The following DLC1 variants were observed in gnomAD, a reference collection of about 807,000 sequenced individuals.
DLC1 encodes the protein rho GTPase-activating protein 7.
In DLC1, 54 loss-of-function variants were observed where a neutral mutation model predicts 140.3. The observed-to-expected ratio is 0.38, with a 90% CI of 0.31 to 0.48. DLC1 has a LOEUF of 0.48. Among genes scored for constraint, DLC1 ranks in the 20% least tolerant of loss-of-function variants. The probability of loss-of-function intolerance (pLI) is 0.96; values close to 1 mark genes in which losing one functional copy is unlikely to be tolerated. For missense variants in DLC1, 2,536 were observed against 1,907.0 expected, an observed-to-expected ratio of 1.33 and a Z score of -6.14; for synonymous variants, 986 against 728.1, an observed-to-expected ratio of 1.35 and a Z score of -5.70.
At chr8:13,163,797 A>C in intron 5 of DLC1, among the ~76,000 whole-genome samples, 1 of 151,888 alleles carries the variant, frequency 6.6e-6, no homozygotes. Flanking sequence ...TGAGACCTCT[A>C]TGTCTACAAA....
upstream of DLC1, chr8:13,515,613 G>A (rs1802562226): frequency 6.6e-6 from 1 of 152,076 alleles, no homozygotes; most frequent in Non-Finnish European, 1.5e-5. Context: ...AGCCGCTCAT[G>A]GTATCTGCAT....
intron 1 of DLC1, among the ~76,000 whole-genome samples, chr8:13,529,976 C>G (rs1487559526): frequency 6.6e-6 from 1 of 152,220 alleles, no homozygotes; most frequent in Non-Finnish European, 1.5e-5. Context: ...GATTCTATCC[C>G]TATCCTGGAA....
Position 13,095,234 on chromosome 8 carries a change from T to C in DLC1, c.3179A>G (p.Lys1060Arg), listed in dbSNP as rs749535080. ...NKHGFSWAVP[K>R]FMKRIKVPDY... The stretch of plus-strand genomic sequence containing the variant: ...TGGAACCTTGATCCTCTTCATGAAC[T>C]TGGGCACGGCCCTGTTAAAGAACAC... The change falls in exon 11 of 18, where the codon AAG (lysine) becomes AGG (arginine). Residue 1060 changes from lysine (K) to arginine (R), a missense_variant. Physicochemically the swap from Lys to Arg is conservative, Grantham distance 26. Transcript: ENST00000276297. 7 of 1,614,232 alleles carry C rather than the reference T, an allele frequency of 4.3e-6. No homozygotes were observed. The highest frequency in any genetic ancestry group is 1.3e-5 in the African/African-American group (1 of 75,074).
intron 5 of DLC1, among the ~76,000 whole-genome samples, chr8:13,268,058 T>A (rs1830763005): frequency 1.3e-5 from 2 of 152,170 alleles, no homozygotes; most frequent in African/African-American, 4.8e-5. Context: ...ACTCTGAGGG[T>A]AATCTATGTG....
At chr8:13,454,737 A>G (rs1029606990) in intron 2 of DLC1, among the ~76,000 whole-genome samples, 6 of 152,092 alleles carry the variant, frequency 3.9e-5, no homozygotes, top group Non-Finnish European at 8.8e-5. Context: ...TAATTTTTGT[A>G]GAGACAGCGT....
At chr8:13,213,683 G>A (rs916651278) in intron 5 of DLC1, among the ~76,000 whole-genome samples, 1 of 152,062 alleles carries the variant, frequency 6.6e-6, no homozygotes, top group Non-Finnish European at 1.5e-5. Context: ...TCTTAGCCAT[G>A]TCTGCTGTAT....
At chr8:13,479,865 A>G (rs146810854) in intron 2 of DLC1, among the ~76,000 whole-genome samples, 6 of 13,004 alleles carry the variant, frequency 4.6e-4, no homozygotes, top group South Asian at 5.0e-3. Flanking sequence ...AGAAGAGAAA[A>G]AGAAAGAAAG....
At chr8:13,440,690 T>C (rs1029506668) in intron 2 of DLC1, among the ~76,000 whole-genome samples, 2 of 152,164 alleles carry the variant, frequency 1.3e-5, no homozygotes, top group East Asian at 1.9e-4. Context: ...TGGAGGGATC[T>C]AGGGGGAGGT....
chr8:13,568,079 T>C (rs1241616252), intron 1 of DLC1: 1 of 1,078,328 alleles, frequency 9.3e-7, no homozygotes, highest in Non-Finnish European at 1.3e-6. Context: ...CACTTTTTTT[T>C]TCCTATTATA....
intron 5 of DLC1, among the ~76,000 whole-genome samples, chr8:13,260,162 G>T (rs1315432152): frequency 6.6e-6 from 1 of 152,198 alleles, no homozygotes; most frequent in African/African-American, 2.4e-5. Context: ...GCAGGTAGAG[G>T]TGCTTTGGTT....
rs927905018 is a variant in DLC1, at chr8:13,220,243, A to T, written c.1348+85026T>A. Among the ~76,000 whole-genome samples the T allele has an allele frequency of 3.4e-4, 52 of 152,308 alleles. 1 individual carries two copies. Among genetic ancestry groups the T allele is most frequent in the African/African-American group, 1.3e-3 (52 of 41,568 alleles). On this transcript the variant is annotated intron_variant, in intron 5 of 17. Transcript: ENST00000276297. ...TTTTGGTCTCTGGGAAGGCAAGGGA[A>T]ATTGTGAAGCCTTTTTTGAAGAAGG...
chr8:13,404,862 C>T (rs1837453799), intron 2 of DLC1, among the ~76,000 whole-genome samples: 1 of 151,954 alleles, frequency 6.6e-6, no homozygotes, highest in Admixed American at 6.6e-5. Flanking sequence ...AAAAAATAGA[C>T]AGGCATGGTA....
At chr8:13,150,241 T>TA (rs1823709149) in intron 5 of DLC1, among the ~76,000 whole-genome samples, 1 of 152,240 alleles carries the variant, frequency 6.6e-6, no homozygotes, top group Non-Finnish European at 1.5e-5. Context: ...GCCCTTTTTT[T>TA]ATAAGAAAAA....
At chr8:13,350,853 C>T (rs939250726) in intron 4 of DLC1, among the ~76,000 whole-genome samples, 8 of 152,074 alleles carry the variant, frequency 5.3e-5, no homozygotes, top group African/African-American at 1.2e-4. Context: ...GCATAGAAGC[C>T]GCTCTTGAAA....
chr8:13,089,453 C>T (rs1369483519), intron 15 of DLC1, among the ~76,000 whole-genome samples: 5 of 150,424 alleles, frequency 3.3e-5, no homozygotes, highest in South Asian at 2.1e-4. Flanking sequence ...GGTGAAACCC[C>T]GTCTCTACTA....
At position 13,507,295 on chromosome 8, in the gene DLC1, C is replaced by T. The variant is rs146153156; in HGVS notation, c.-125-7099G>A. Among the ~76,000 whole-genome samples the T allele has an allele frequency of 4.3e-3, 652 of 152,098 alleles. 5 individuals are homozygous for T. The highest frequency in any genetic ancestry group is 0.015 in the African/African-American group (626 of 41,468). On this transcript the variant is annotated intron_variant, in intron 1 of 17. Coordinates refer to ENST00000276297, the MANE Select transcript of DLC1 (RefSeq NM_182643.3). Reference sequence around the variant, plus strand: ...GACATATGCTTAGAAGCCAGAAAGCCCAGGGAAGATATTATGTTTCTTAAT... The same window carrying T: ...GACATATGCTTAGAAGCCAGAAAGCTCAGGGAAGATATTATGTTTCTTAAT...
At chr8:13,094,234 T>C (rs887424607) in intron 12 of DLC1, among the ~76,000 whole-genome samples, 1 of 152,222 alleles carries the variant, frequency 6.6e-6, no homozygotes, top group Non-Finnish European at 1.5e-5. Flanking sequence ...TACAATTGCA[T>C]CAGTCATTAG....
chr8:13,527,557 T>C (rs946240340), intron 1 of DLC1, among the ~76,000 whole-genome samples: 1 of 152,190 alleles, frequency 6.6e-6, no homozygotes, highest in Non-Finnish European at 1.5e-5. Flanking sequence ...TTCTCTTTGT[T>C]ATTGATTTCT....
intron 2 of DLC1, among the ~76,000 whole-genome samples, chr8:13,415,889 C>G (rs865926646): frequency 7.2e-5 from 11 of 152,132 alleles, no homozygotes; most frequent in African/African-American, 2.4e-4. Context: ...TAATTTCACC[C>G]CAAGAAGTCC....
Sources: allele counts gnomAD v4.1 joint callset (sites outside exome capture counted in the v4.1 genomes callset), GRCh38; gene constraint gnomAD v4.1.1; transcripts MANE v1.5; gene names NCBI Gene and HGNC (gene_info 2026-07-23, HGNC 2026-07-21).